PTPN23: variants seen among roughly 807,000 people sequenced by gnomAD.
PTPN23 encodes the protein protein tyrosine phosphatase non-receptor type 23.
A neutral mutation model predicts 156.3 loss-of-function variants in PTPN23; 72 were observed. The ratio of observed to expected loss-of-function variants is 0.46; its 90% CI spans 0.38 to 0.56. The LOEUF is 0.56. Ranked by LOEUF, PTPN23 falls within the 20% of genes least tolerant of loss-of-function variation. PTPN23 has a pLI of 0.00. For missense variants in PTPN23, 1,974 were observed against 2,171.5 expected, an observed-to-expected ratio of 0.91 and a Z score of 1.81; for synonymous variants, 957 against 899.6, an observed-to-expected ratio of 1.06 and a Z score of -1.14.
At position 47,411,839 on chromosome 3, in the gene PTPN23, C is replaced by T. The variant is rs148110454; in HGVS notation, c.3945C>T (p.Ala1315=). Residue 1315 remains alanine (A), a synonymous_variant, in exon 21 of 25, where the codon GCC becomes GCT. Transcript: ENST00000265562. The surrounding 1 kb of genome is among the most constrained non-coding windows in gnomAD (Gnocchi z 6.3). ...GGGGCCAGCCCATGGTGCACGGTGC[C>T]CTGAGCCTGGCATTGAGCAGCGTCC... The part of the protein sequence containing the change: ...TERGQPMVHG[A]LSLALSSVRS... 1 of 1,613,234 alleles carries T rather than the reference C, an allele frequency of 6.2e-7. No individual in the cohort carries two copies. Among genetic ancestry groups the T allele is most frequent in the African/African-American group, 1.3e-5 (1 of 74,998 alleles).
chr3:47,404,613 A>G, intron 2 of PTPN23, 39 bp from the exon 3 acceptor site: 9 of 1,608,664 alleles, frequency 5.6e-6, no homozygotes, highest in Non-Finnish European at 6.8e-6. Flanking sequence ...CCACTGCCCC[A>G]TATGACAACA....
In PTPN23 at chr3:47,400,120, T is replaced by C. The variant is rs974721700; in HGVS notation, c.159+3903T>C. 2.6e-5 allele frequency among the ~76,000 whole-genome samples: 4 copies of C among 152,208 alleles called. No homozygotes were observed. The South Asian group carries it at 8.3e-4, about 31-fold the overall frequency. On this transcript the variant is annotated intron_variant, in intron 2 of 24. Coordinates refer to ENST00000265562, the MANE Select transcript of PTPN23 (RefSeq NM_015466.4). ...TCACCACGCCTAGTCTAGATCACTGTTCCTTATACTTGTGAAACCCCAGAA... is the reference window on the plus strand; with the variant it reads ...TCACCACGCCTAGTCTAGATCACTGCTCCTTATACTTGTGAAACCCCAGAA...
chr3:47,409,985 C>A lies in PTPN23; in HGVS notation c.2187C>A (p.Arg729=). 1 of 1,595,608 alleles carries A rather than the reference C, an allele frequency of 6.3e-7. No homozygotes were observed. Among genetic ancestry groups the A allele is most frequent in the Non-Finnish European group, 8.5e-7 (1 of 1,172,432 alleles). The change falls in exon 20 of 25, where the codon CGC becomes CGA. Residue 729 remains arginine, a synonymous_variant. Coordinates refer to ENST00000265562, the MANE Select transcript of PTPN23 (RefSeq NM_015466.4). ...CAGCCCCAAAGCCGCTGCTGCCCCG[C>A]AGGGAGGAGAGTGAGGCAGTGGAAG... The part of the protein sequence containing the change: ...RPTAPKPLLP[R]REESEAVEAG...
chr3:47,413,330 G>C lies in PTPN23; in HGVS notation c.*145G>C. Reference sequence around the variant, plus strand: ...CCTGCCTGGCCCAGCCTGCACCCCTGTGGGGTGGAAATGTACTGCAGGCTC... The same window carrying C: ...CCTGCCTGGCCCAGCCTGCACCCCTCTGGGGTGGAAATGTACTGCAGGCTC... On this transcript the variant is annotated 3_prime_UTR_variant, in exon 25 of 25. Coordinates refer to ENST00000265562, the MANE Select transcript of PTPN23 (RefSeq NM_015466.4). The C allele has an allele frequency of 2.6e-6, 3 of 1,172,496 alleles. No individual in the cohort carries two copies. The highest frequency in any genetic ancestry group is 2.4e-6 in the Non-Finnish European group (2 of 832,270). 72.6% of individuals were successfully genotyped at this position (1,172,496 alleles called of 1,614,324 possible).
rs1213907326 is a variant in PTPN23, at chr3:47,411,550, G to A, written c.3752G>A (p.Gly1251Glu). 2.5e-6 allele frequency: 4 copies of A among 1,612,682 alleles called. No homozygotes were observed. The highest frequency in any genetic ancestry group is 3.4e-6 in the Non-Finnish European group (4 of 1,179,998). ...DDYINASCVE[G>E]LSPYCPPLVA... Reference sequence around the variant, plus strand: ...TACATCAATGCCAGCTGCGTGGAGGGGCTCTCCCCATACTGCCCCCCGCTA... The same window carrying A: ...TACATCAATGCCAGCTGCGTGGAGGAGCTCTCCCCATACTGCCCCCCGCTA... Residue 1251 changes from glycine (G) to glutamate (E), a missense_variant, in exon 20 of 25, where the codon GGG becomes GAG. Coordinates refer to ENST00000265562, the MANE Select transcript of PTPN23 (RefSeq NM_015466.4). The surrounding 1 kb of genome is among the most constrained non-coding windows in gnomAD (Gnocchi z 6.3).
Position 47,405,752 on chromosome 3 carries a change from C to A in PTPN23, c.368C>A (p.Ala123Glu). ...ACACTGTCCCCTCCCTCCCCAGGAG[C>A]GCTGCACTCCATGCTGGGGGCCATG... ...EQACILYNLG[A>E]LHSMLGAMDK... is the part of the protein sequence containing the mutation. The change falls in exon 5 of 25, where the codon GCG becomes GAG. Residue 123 changes from alanine (A) to glutamate (E), a missense_variant. Ala to Glu is a moderately radical substitution (Grantham distance 107). This residue lies in a region of PTPN23 where 726 missense variants were observed against 929.5 expected (regional missense o/e 0.78). Coordinates refer to ENST00000265562, the MANE Select transcript of PTPN23 (RefSeq NM_015466.4). The surrounding 1 kb of genome is among the most constrained non-coding windows in gnomAD (Gnocchi z 4.7). The A allele has an allele frequency of 6.3e-7, 1 of 1,599,314 alleles. No homozygotes were observed. The highest frequency in any genetic ancestry group is 1.1e-5 in the South Asian group (1 of 88,578).
In PTPN23 at chr3:47,404,641, C is replaced by T. The variant is rs1428951383; in HGVS notation, c.160-11C>T. 6.2e-7 allele frequency: 1 copy of T among 1,613,190 alleles called. No individual in the cohort carries two copies. Among genetic ancestry groups the T allele is most frequent in the Non-Finnish European group, 8.5e-7 (1 of 1,179,418 alleles). On this transcript the variant is annotated splice_polypyrimidine_tract_variant and intron_variant, in intron 2 of 24. Coordinates refer to ENST00000265562, the MANE Select transcript of PTPN23 (RefSeq NM_015466.4). ...TGACAACAGGCCTGCTTCTCCCATC[C>T]TGCCCCCCAGAATGCTGTCCGTGTC...
At chr3:47,384,946 G>C (rs1559517357) in intron 1 of PTPN23, among the ~76,000 whole-genome samples, 1 of 152,098 alleles carries the variant, frequency 6.6e-6, no homozygotes, top group Non-Finnish European at 1.5e-5. Context: ...ATTTTTAGTA[G>C]AGACGGGGTT....
Position 47,411,173 on chromosome 3 carries a change from G to C in PTPN23, c.3375G>C (p.Glu1125Asp). 1 of 1,603,066 alleles carries C rather than the reference G, an allele frequency of 6.2e-7. No individual in the cohort carries two copies. The highest frequency in any genetic ancestry group is 1.7e-5 in the Admixed American group (1 of 59,002). Residue 1125 changes from glutamate to aspartate, a missense_variant, in exon 20 of 25, where the codon GAG becomes GAC. Around this residue, in one of 4 missense-constraint regions of PTPN23, gnomAD observed 731 missense variants for 669.1 expected, o/e 1.09. Coordinates refer to ENST00000265562, the MANE Select transcript of PTPN23 (RefSeq NM_015466.4). This position sits in a 1 kb window ranked among gnomAD's most constrained non-coding sequence, Gnocchi z 6.3. ...CAGACCTGCTCTCCTCCAGCCCGGA[G>C]AGCCAGCATGGCGGCACTCAGTCTC... is the stretch of plus-strand genomic sequence containing the variant. The part of the protein sequence containing the change: ...AAADLLSSSP[E>D]SQHGGTQSPG...
At chr3:47,408,319 C>T in intron 14 of PTPN23, 26 bp from the exon 15 acceptor site, 2 of 1,607,892 alleles carry the variant, frequency 1.2e-6, no homozygotes, top group Non-Finnish European at 1.7e-6. Flanking sequence ...CACCCAGCAC[C>T]CACCTGGCCC....
chr3:47,410,252 G>A lies in PTPN23; in HGVS notation c.2454G>A (p.Gly818=), dbSNP rs1705238446. ...PGPHAMPVAP[G]PALYPAPAYT... ...CCCATGCAATGCCCGTAGCACCTGG[G>A]CCTGCCCTCTACCCAGCCCCTGCCT... The change falls in exon 20 of 25, where the codon GGG becomes GGA. Residue 818 remains glycine, a synonymous_variant. Transcript: ENST00000265562. The A allele has an allele frequency of 5.0e-6, 8 of 1,610,710 alleles. No homozygotes were observed. The Admixed American group carries it at 1.3e-4, about 27-fold the overall frequency.
Position 47,406,241 on chromosome 3 carries a change from A to C in PTPN23, c.547-84A>C. On this transcript the variant is annotated intron_variant, in intron 6 of 24. Transcript: ENST00000265562. The surrounding 1 kb of genome is among the most constrained non-coding windows in gnomAD (Gnocchi z 5.8). Reference sequence around the variant, plus strand: ...AGAGGGCAGTGAAGAGGGATCCCTCAGTCTGCCCCTGGGGAAGGATAAAGG... The same window carrying C: ...AGAGGGCAGTGAAGAGGGATCCCTCCGTCTGCCCCTGGGGAAGGATAAAGG... The C allele has an allele frequency of 2.0e-6, 3 of 1,525,310 alleles. No homozygotes were observed. The highest frequency in any genetic ancestry group is 9.0e-7 in the Non-Finnish European group (1 of 1,113,324). The allele number at this position is 1,525,310 out of a possible 1,614,324, so 94.5% of individuals were successfully genotyped here. A position where few individuals can be genotyped will look rare whatever the true frequency, so the allele number is the denominator to read the frequency against.
chr3:47,384,455 C>CAAAAAAA (rs56896052), intron 1 of PTPN23, among the ~76,000 whole-genome samples: 1 of 78,442 alleles, frequency 1.3e-5, no homozygotes, highest in African/African-American at 5.1e-5. Context: ...GAGACTGTCT[C>CAAAAAAA]AAAAAAAAAA....
Position 47,412,812 on chromosome 3 carries a change from T to A in PTPN23, c.4538T>A (p.Leu1513Ter). The A allele has an allele frequency of 6.2e-7, 1 of 1,613,530 alleles. No homozygotes were observed. Among genetic ancestry groups the A allele is most frequent in the Non-Finnish European group, 8.5e-7 (1 of 1,179,940 alleles). The change falls in exon 25 of 25, where the codon TTG becomes TAG. Residue 1513 changes from leucine (L) to a stop codon, truncating the protein, a stop_gained. Coordinates refer to ENST00000265562, the MANE Select transcript of PTPN23 (RefSeq NM_015466.4). LOFTEE classifies it high-confidence loss of function. Reference sequence around the variant, plus strand: ...CTCAGCATTCGGCCTCCTGGGGGGTTGGAGTCCCCGGTTGCCAGCTTGCCA... The same window carrying A: ...CTCAGCATTCGGCCTCCTGGGGGGTAGGAGTCCCCGGTTGCCAGCTTGCCA... ...AKLSIRPPGGLESPVASLPGP... is the reference protein window; with the variant it reads ...AKLSIRPPGG
At position 47,412,080 on chromosome 3, in the gene PTPN23, A is replaced by G; in HGVS notation, c.4074-14A>G. On this transcript the variant is annotated splice_polypyrimidine_tract_variant and intron_variant, in intron 21 of 24. Coordinates refer to ENST00000265562, the MANE Select transcript of PTPN23 (RefSeq NM_015466.4). ...TGGCTCATAGGCTCTTCCTGGCCCC[A>G]TCCTGTCCCACAGAGGCCTGCCCGA... 6.2e-7 allele frequency: 1 copy of G among 1,612,804 alleles called. No homozygotes were observed. Among genetic ancestry groups the G allele is most frequent in the South Asian group, 1.1e-5 (1 of 91,058 alleles).
rs772317392 is a variant in PTPN23 at position 47,409,266 on chromosome 3, G to A, written c.1746G>A (p.Gln582=). The change falls in exon 17 of 25, where the codon CAG becomes CAA. Residue 582 remains glutamine, a synonymous_variant. Transcript: ENST00000265562. The part of the protein sequence containing the change: ...SLEQQLRELI[Q]KDDITASLVT... The stretch of plus-strand genomic sequence containing the variant: ...AGCAGCAGCTGCGTGAGCTTATCCA[G>A]AAAGATGACATCACTGCCTCGCTGG... 3 of 1,614,166 alleles carry A rather than the reference G, an allele frequency of 1.9e-6. No individual in the cohort carries two copies. In the South Asian group the frequency reaches 3.3e-5, roughly 18 times the overall value.
At chr3:47,403,769 T>G (rs1705055090) in intron 2 of PTPN23, among the ~76,000 whole-genome samples, 2 of 152,104 alleles carry the variant, frequency 1.3e-5, no homozygotes. Context: ...CCTCAAGCGA[T>G]CCTCCCACCT....
chr3:47,403,075 C>T (rs1358486250), intron 2 of PTPN23, among the ~76,000 whole-genome samples: 2 of 146,654 alleles, frequency 1.4e-5, no homozygotes, highest in South Asian at 2.1e-4. Flanking sequence ...TTTTTTGAGA[C>T]GGAGTCTCGC....
At position 47,407,508 on chromosome 3, in the gene PTPN23, C is replaced by T; in HGVS notation, c.927C>T (p.Tyr309=). The change falls in exon 12 of 25, where the codon TAC becomes TAT. Residue 309 remains tyrosine (Y), a synonymous_variant. Transcript: ENST00000265562. The surrounding 1 kb of genome is among the most constrained non-coding windows in gnomAD (Gnocchi z 4.0). ...TCCCCCTGCTCCTGATCCCCAGGTA[C>T]AATTCTGCCAAGAAGGACAACGACT... ...RFTMDVIGGK[Y]NSAKKDNDFI... 1 of 1,613,934 alleles carries T rather than the reference C, an allele frequency of 6.2e-7. No individual in the cohort carries two copies. The highest frequency in any genetic ancestry group is 1.6e-4 in the Middle Eastern group (1 of 6,062).
Sources: allele counts gnomAD v4.1 joint callset (sites outside exome capture counted in the v4.1 genomes callset), GRCh38; gene constraint gnomAD v4.1.1; regional missense constraint gnomAD v4.1.1; non-coding constraint Gnocchi (gnomAD v3.1); transcripts MANE v1.5; gene names NCBI Gene and HGNC (gene_info 2026-07-23, HGNC 2026-07-21).